Variants in CEP63 observed in about 807,000 individuals in gnomAD.
CEP63 encodes the protein centrosomal protein 63.
A neutral mutation model predicts 89.1 loss-of-function variants in CEP63; 84 were observed. The observed-to-expected ratio is 0.94, with a 90% confidence interval of 0.79 to 1.13. The LOEUF (loss-of-function observed/expected upper bound fraction) is 1.13. Among genes scored for constraint, CEP63 ranks in the 50% most tolerant of loss-of-function variants. CEP63 has a pLI of 0.00. For synonymous variants in CEP63, 267 were observed against 272.5 expected (o/e 0.98, Z 0.20); for missense variants, 838 against 813.3 (o/e 1.03, Z -0.37).
chr3:134,620,805 G>T, the CEP63 span: 1 of 1,613,560 alleles, frequency 6.2e-7, no homozygotes, highest in Non-Finnish European at 8.5e-7. Flanking sequence ...GTCAGTGTGG[G>T]CCTCCTGGAG....
At chr3:134,514,252 A>G (rs1238318259) in intron 3 of CEP63, among the ~76,000 whole-genome samples, 1 of 152,214 alleles carries the variant, frequency 6.6e-6, no homozygotes, top group African/African-American at 2.4e-5. Context: ...AGTGAACTAG[A>G]TGATGTGACA....
chr3:134,704,836 G>A, the CEP63 span, among the ~76,000 whole-genome samples: 1 of 152,230 alleles, frequency 6.6e-6, no homozygotes, highest in Non-Finnish European at 1.5e-5. Flanking sequence ...GAAGAGCTAT[G>A]GCTTGTTGAA....
At chr3:134,515,042 G>A (rs773112506) in intron 3 of CEP63, among the ~76,000 whole-genome samples, 2 of 152,150 alleles carry the variant, frequency 1.3e-5, no homozygotes, top group Non-Finnish European at 2.9e-5. Flanking sequence ...TGAGTTTAAC[G>A]TATATGTAAA....
chr3:134,586,825 C>T (rs1334392697), intron 10 of CEP63, among the ~76,000 whole-genome samples: 1 of 152,214 alleles, frequency 6.6e-6, no homozygotes, highest in Non-Finnish European at 1.5e-5. Context: ...CTTTCAGGTA[C>T]ACCAATCAAA....
intron 1 of CEP63, among the ~76,000 whole-genome samples, chr3:134,488,745 G>A (rs6439481): frequency 0.019 from 2,940 of 152,294 alleles, 85 homozygotes; most frequent in African/African-American, 0.066. Context: ...CAGGTCCCTG[G>A]TGCCAAAAAG....
At chr3:134,602,175 C>G in the CEP63 span, among the ~76,000 whole-genome samples, 1 of 152,100 alleles carries the variant, frequency 6.6e-6, no homozygotes, top group Non-Finnish European at 1.5e-5. Context: ...GCTGGAGAAG[C>G]CGGGAGTTCA....
chr3:134,660,118 C>T, the CEP63 span, among the ~76,000 whole-genome samples: 1 of 152,240 alleles, frequency 6.6e-6, no homozygotes, highest in Non-Finnish European at 1.5e-5. Context: ...TTCCATAATT[C>T]ACAGAGAAAT....
chr3:134,616,663 A>T, the CEP63 span, among the ~76,000 whole-genome samples: 1 of 152,234 alleles, frequency 6.6e-6, no homozygotes, highest in African/African-American at 2.4e-5. Context: ...GAGAGTTTTA[A>T]TGATAAGCTG....
chr3:134,640,352 T>C, the CEP63 span, among the ~76,000 whole-genome samples: 1 of 152,172 alleles, frequency 6.6e-6, no homozygotes. Context: ...CTTCTGGGTC[T>C]GGTATGCGAC....
chr3:134,764,682 A>G, the CEP63 span, among the ~76,000 whole-genome samples: 1 of 152,014 alleles, frequency 6.6e-6, no homozygotes, highest in Non-Finnish European at 1.5e-5. Context: ...GGTTTTCCCT[A>G]TTTTCACTTT....
the CEP63 span, among the ~76,000 whole-genome samples, chr3:134,592,801 G>A: frequency 2.0e-5 from 3 of 151,948 alleles, no homozygotes; most frequent in Non-Finnish European, 2.9e-5. Context: ...ATGTGGTTTC[G>A]TATGTTGATT....
chr3:134,645,320 C>G, the CEP63 span, among the ~76,000 whole-genome samples: 701 of 152,314 alleles, frequency 4.6e-3, 6 homozygotes, highest in African/African-American at 0.016. Context: ...CCAGCCCAAG[C>G]AGTGCACGGG....
the CEP63 span, among the ~76,000 whole-genome samples, chr3:134,700,778 C>T: frequency 2.6e-5 from 4 of 152,138 alleles, no homozygotes; most frequent in African/African-American, 9.6e-5. Context: ...ATCTTCACCC[C>T]ACTCCCCTGT....
chr3:134,691,791 C>T, the CEP63 span, among the ~76,000 whole-genome samples: 3 of 151,834 alleles, frequency 2.0e-5, no homozygotes, highest in South Asian at 6.3e-4. Context: ...ATGATCTCGG[C>T]TCACTGCAAC....
the CEP63 span, among the ~76,000 whole-genome samples, chr3:134,601,792 G>C: frequency 6.6e-6 from 1 of 152,192 alleles, no homozygotes; most frequent in Admixed American, 6.5e-5. Context: ...CTAGGCCACC[G>C]TGCTGGGTGG....
downstream of CEP63, among the ~76,000 whole-genome samples, chr3:134,578,977 CGAACTTCTG>C (rs1958283227): frequency 1.3e-5 from 2 of 151,730 alleles, no homozygotes; most frequent in Non-Finnish European, 2.9e-5. Flanking sequence ...AGGCTGGTCT[CGAACTTCTG>C]ACCTCAAGTG....
the CEP63 span, among the ~76,000 whole-genome samples, chr3:134,729,708 C>T: frequency 8.5e-5 from 13 of 152,180 alleles, no homozygotes; most frequent in Admixed American, 6.5e-4. Context: ...TTCAGAGAAA[C>T]TCAGTGAATT....
At chr3:134,554,053 A>G (rs1294616065) in intron 12 of CEP63, among the ~76,000 whole-genome samples, 1 of 152,108 alleles carries the variant, frequency 6.6e-6, no homozygotes, top group African/African-American at 2.4e-5. Context: ...TCATGAAAGG[A>G]TTTATTTTTG....
chr3:134,660,192 T>C, the CEP63 span, among the ~76,000 whole-genome samples: 5 of 152,364 alleles, frequency 3.3e-5, no homozygotes, highest in South Asian at 2.1e-4. Flanking sequence ...GCATGTTCAA[T>C]TCCTGTGGCC....
Sources: gnomAD v4.1 joint callset for allele counts (sites outside exome capture counted in the v4.1 genomes callset) on GRCh38, gnomAD v4.1.1 for gene constraint, MANE v1.5 for transcripts, NCBI Gene and HGNC (gene_info 2026-07-23, HGNC 2026-07-21) for gene names.